Variants in DSCAM observed in about 807,000 individuals in gnomAD.
DSCAM encodes cell adhesion molecule DSCAM.
In DSCAM, 47 loss-of-function variants were observed where a neutral mutation model predicts 217.7. The ratio of observed to expected loss-of-function variants is 0.22; its 90% CI spans 0.17 to 0.28. DSCAM has a LOEUF of 0.28. DSCAM is among the 10% of genes least tolerant of loss of function. The pLI is 1.00. For synonymous variants in DSCAM, 1,056 were observed against 1,015.3 expected (o/e 1.04, Z -0.76); for missense variants, 2,080 against 2,618.3 (o/e 0.79, Z 4.49).
intron 1 of DSCAM, among the ~76,000 whole-genome samples, chr21:40,749,544 G>T (rs558732833): frequency 6.6e-6 from 1 of 152,206 alleles, no homozygotes; most frequent in East Asian, 1.9e-4. Flanking sequence ...CCTTAGAATG[G>T]TTATCATCAA....
intron 3 of DSCAM, among the ~76,000 whole-genome samples, chr21:40,592,231 A>G (rs547434615): frequency 6.6e-6 from 1 of 152,288 alleles, no homozygotes; most frequent in South Asian, 2.1e-4. Context: ...TAATGCAATT[A>G]GTCTGTAAGG....
chr21:40,224,618 A>T (rs2091315512), intron 11 of DSCAM, among the ~76,000 whole-genome samples: 1 of 152,234 alleles, frequency 6.6e-6, no homozygotes, highest in African/African-American at 2.4e-5. Flanking sequence ...TCAATTCCAT[A>T]AACTAATATT....
At chr21:40,442,897 T>C (rs2075644205) in intron 3 of DSCAM, among the ~76,000 whole-genome samples, 2 of 152,174 alleles carry the variant, frequency 1.3e-5, no homozygotes, top group Admixed American at 1.3e-4. Context: ...CTGTGAACCT[T>C]GTCTCTCTTC....
At chr21:40,760,494 A>T (rs1045706641) in intron 1 of DSCAM, among the ~76,000 whole-genome samples, 2 of 152,176 alleles carry the variant, frequency 1.3e-5, no homozygotes, top group Non-Finnish European at 2.9e-5. Context: ...TACCCTAGAG[A>T]CACTGTCTTT....
At chr21:40,559,680 A>G (rs966940439) in intron 3 of DSCAM, among the ~76,000 whole-genome samples, 1 of 152,058 alleles carries the variant, frequency 6.6e-6, no homozygotes, top group Non-Finnish European at 1.5e-5. Flanking sequence ...AGTCATATAG[A>G]AGTCAGCTTA....
chr21:40,548,250 G>A (rs2076599736), intron 3 of DSCAM, among the ~76,000 whole-genome samples: 2 of 152,190 alleles, frequency 1.3e-5, no homozygotes, highest in Admixed American at 6.5e-5. Flanking sequence ...TTAAAGACCA[G>A]CTTTTAGCTG....
At chr21:40,317,712 T>C (rs184899178) in intron 8 of DSCAM, among the ~76,000 whole-genome samples, 3 of 152,242 alleles carry the variant, frequency 2.0e-5, no homozygotes, top group East Asian at 1.9e-4. Context: ...TTTGTATTTT[T>C]AGTAGAGACG....
intron 20 of DSCAM, among the ~76,000 whole-genome samples, chr21:40,111,740 A>G (rs2146637409): frequency 6.6e-6 from 1 of 152,292 alleles, no homozygotes; most frequent in East Asian, 1.9e-4. Flanking sequence ...GCAAATAGAA[A>G]ACAAAAAAAG....
intron 1 of DSCAM, among the ~76,000 whole-genome samples, chr21:40,752,641 T>TAC (rs1334325778): frequency 6.6e-6 from 1 of 152,160 alleles, no homozygotes; most frequent in East Asian, 1.9e-4. Context: ...GAGCCATGAT[T>TAC]ACATCACTGT....
At chr21:40,102,309 C>T (rs2089762044) in intron 20 of DSCAM, among the ~76,000 whole-genome samples, 1 of 152,136 alleles carries the variant, frequency 6.6e-6, no homozygotes, top group Non-Finnish European at 1.5e-5. Flanking sequence ...GTTTGCCTCC[C>T]CAAAGCCGTA....
intron 1 of DSCAM, among the ~76,000 whole-genome samples, chr21:40,724,645 A>G (rs566556538): frequency 5.9e-5 from 9 of 152,360 alleles, no homozygotes; most frequent in African/African-American, 1.9e-4. Flanking sequence ...TCCTATGATT[A>G]AAGAAGAAAA....
At chr21:40,490,002 G>C (rs559578824) in intron 3 of DSCAM, among the ~76,000 whole-genome samples, 5 of 152,266 alleles carry the variant, frequency 3.3e-5, no homozygotes, top group Non-Finnish European at 5.9e-5. Flanking sequence ...AGGTTTAACT[G>C]ACTCACTGTT....
chr21:40,613,378 C>T (rs2837747), intron 3 of DSCAM, among the ~76,000 whole-genome samples: 65,106 of 151,894 alleles, frequency 0.43, 14,289 homozygotes, highest in East Asian at 0.55. Flanking sequence ...ATATGGAATG[C>T]TGTTTCACTG....
intron 18 of DSCAM, among the ~76,000 whole-genome samples, chr21:40,139,885 G>A (rs1269858175): frequency 6.6e-6 from 1 of 150,966 alleles, no homozygotes; most frequent in Non-Finnish European, 1.5e-5. Context: ...GTGTGTGCAT[G>A]TGGGGTGTGT....
chr21:40,833,633 TA>T (rs2092030011), intron 1 of DSCAM, among the ~76,000 whole-genome samples: 1 of 152,112 alleles, frequency 6.6e-6, no homozygotes, highest in Non-Finnish European at 1.5e-5. Context: ...CCTTTCTTCA[TA>T]AGAAAAGAAA....
Position 40,186,776 on chromosome 21 carries a change from G to A in DSCAM, c.2779+355C>T, listed in dbSNP as rs187264872. On this transcript the variant is annotated intron_variant, in intron 14 of 32. Transcript: ENST00000400454. ...AGGCTCTACAAAAGTCACCCAGCTCGGGAAACGGGAAGTGAAGGGAGCAGG... is the reference window on the plus strand; with the variant it reads ...AGGCTCTACAAAAGTCACCCAGCTCAGGAAACGGGAAGTGAAGGGAGCAGG... Among the ~76,000 whole-genome samples the A allele has an allele frequency of 3.5e-3, 536 of 152,308 alleles. 3 individuals are homozygous for A. Among genetic ancestry groups the A allele is most frequent in the Non-Finnish European group, 5.6e-3 (380 of 68,032 alleles).
In DSCAM at chr21:40,267,179, T is replaced by C. The variant is rs2073549557; in HGVS notation, c.2356+8918A>G. ...ACTTGTACCCCTAAAGCTATTGAAATAGAAAAAATTAAAAAATGAAAAAAC... is the reference window on the plus strand; with the variant it reads ...ACTTGTACCCCTAAAGCTATTGAAACAGAAAAAATTAAAAAATGAAAAAAC... On this transcript the variant is annotated intron_variant, in intron 11 of 32. Coordinates refer to ENST00000400454, the MANE Select transcript of DSCAM (RefSeq NM_001389.5). Among the ~76,000 whole-genome samples, 5 of 143,030 alleles carry C rather than the reference T, an allele frequency of 3.5e-5. No homozygotes were observed. In the South Asian group the frequency reaches 1.1e-3, roughly 32 times the overall value. 93.8% of individuals were successfully genotyped at this position (143,030 alleles called of 152,430 possible). A position where few individuals can be genotyped will look rare whatever the true frequency, so the allele number is the denominator to read the frequency against.
At chr21:40,760,599 C>T (rs1161333382) in intron 1 of DSCAM, among the ~76,000 whole-genome samples, 1 of 152,226 alleles carries the variant, frequency 6.6e-6, no homozygotes, top group Admixed American at 6.5e-5. Context: ...CACTGCTTTG[C>T]CAGTTTCAAG....
At chr21:40,420,346 T>C (rs2075411504) in intron 3 of DSCAM, among the ~76,000 whole-genome samples, 1 of 152,230 alleles carries the variant, frequency 6.6e-6, no homozygotes, top group African/African-American at 2.4e-5. Flanking sequence ...TCGTTTATCT[T>C]TTCTTTATCC....
Sources: gnomAD v4.1 joint callset for allele counts (sites outside exome capture counted in the v4.1 genomes callset) on GRCh38, gnomAD v4.1.1 for gene constraint, MANE v1.5 for transcripts, NCBI Gene and HGNC (gene_info 2026-07-23, HGNC 2026-07-21) for gene names.